APBA1: variants seen among roughly 807,000 people sequenced by gnomAD.
APBA1 encodes the protein amyloid-beta A4 precursor protein-binding family A member 1.
Under a neutral mutation model 86.6 loss-of-function variants are expected in APBA1, and 55 were observed. The observed-to-expected ratio is 0.64, with a 90% CI of 0.51 to 0.80. The LOEUF (loss-of-function observed/expected upper bound fraction) is 0.80. Ranked by LOEUF, APBA1 falls within the 30% of genes least tolerant of loss-of-function variation. The probability of loss-of-function intolerance (pLI) is 0.00; values close to 1 mark genes in which losing one functional copy is unlikely to be tolerated. For synonymous variants in APBA1, 511 were observed against 493.9 expected (o/e 1.03, Z -0.46); for missense variants, 1,090 against 1,183.0 (o/e 0.92, Z 1.15).
intron 1 of APBA1, among the ~76,000 whole-genome samples, chr9:69,606,513 A>G (rs1300773539): frequency 9.8e-6 from 1 of 102,120 alleles, no homozygotes; most frequent in African/African-American, 3.7e-5. Flanking sequence ...TTTTTTTGAA[A>G]TGGAGTCTCG....
At chr9:69,663,979 T>C (rs929416361) in intron 1 of APBA1, among the ~76,000 whole-genome samples, 3 of 152,136 alleles carry the variant, frequency 2.0e-5, no homozygotes, top group African/African-American at 7.2e-5. Flanking sequence ...TAACAGAAAT[T>C]GAAAGCCATG....
chr9:69,556,676 GTTGTT>G (rs1196646966), intron 1 of APBA1, among the ~76,000 whole-genome samples: 3 of 152,178 alleles, frequency 2.0e-5, no homozygotes, highest in South Asian at 4.1e-4. Context: ...ACTGTGACAG[GTTGTT>G]TTATTTCTTT....
At chr9:69,611,420 G>A (rs1018146643) in intron 1 of APBA1, among the ~76,000 whole-genome samples, 3 of 151,856 alleles carry the variant, frequency 2.0e-5, no homozygotes, top group Non-Finnish European at 4.4e-5. Context: ...CCCACTGGGA[G>A]ACTGTTTTTC....
chr9:69,485,985 C>CT (rs977354620), intron 2 of APBA1, among the ~76,000 whole-genome samples: 7 of 151,644 alleles, frequency 4.6e-5, no homozygotes, highest in African/African-American at 1.7e-4. Context: ...GAGTTTCACT[C>CT]TTTTTGCCCA....
At chr9:69,634,778 A>G (rs1235069704) in intron 1 of APBA1, among the ~76,000 whole-genome samples, 1 of 152,218 alleles carries the variant, frequency 6.6e-6, no homozygotes, top group Non-Finnish European at 1.5e-5. Context: ...CTGGCAGCAG[A>G]CTTTTCAGTG....
chr9:69,512,118 A>G (rs1292741975), intron 2 of APBA1, among the ~76,000 whole-genome samples: 1 of 151,992 alleles, frequency 6.6e-6, no homozygotes, highest in Non-Finnish European at 1.5e-5. Context: ...AAAAGAAAAG[A>G]AAAAGGACAG....
At chr9:69,435,175 T>G (rs1196903469) in intron 11 of APBA1, among the ~76,000 whole-genome samples, 1 of 152,132 alleles carries the variant, frequency 6.6e-6, no homozygotes, top group Non-Finnish European at 1.5e-5. Flanking sequence ...GTGCCACATT[T>G]TCTTAATCTA....
chr9:69,548,585 C>T (rs1438818129), intron 1 of APBA1, among the ~76,000 whole-genome samples: 8 of 152,146 alleles, frequency 5.3e-5, no homozygotes, highest in African/African-American at 4.8e-5. Flanking sequence ...GACAAATTAA[C>T]GGACTGGAGG....
intron 7 of APBA1, 123 bp from the exon 8 acceptor site, chr9:69,456,555 A>G (rs545907084): frequency 9.7e-7 from 1 of 1,027,076 alleles, no homozygotes; most frequent in African/African-American, 1.6e-5. Context: ...GGCTCACTGC[A>G]AAGCCCATGC....
intron 10 of APBA1, among the ~76,000 whole-genome samples, chr9:69,443,865 A>G (rs1017848851): frequency 1.3e-5 from 2 of 152,180 alleles, no homozygotes; most frequent in Admixed American, 1.3e-4. Flanking sequence ...CTTGCTCCAC[A>G]AAGACAACAG....
chr9:69,622,422 T>C (rs1822838961), intron 1 of APBA1, among the ~76,000 whole-genome samples: 1 of 152,174 alleles, frequency 6.6e-6, no homozygotes, highest in Non-Finnish European at 1.5e-5. Flanking sequence ...CTAGGTTTCA[T>C]GGGTTCTTCC....
At chr9:69,466,152 G>A (rs1835275876) in intron 5 of APBA1, among the ~76,000 whole-genome samples, 1 of 152,158 alleles carries the variant, frequency 6.6e-6, no homozygotes, top group Admixed American at 6.5e-5. Context: ...TCCAAGTACA[G>A]AGAGGTGGTC....
In APBA1 at chr9:69,516,652, A is replaced by G; in HGVS notation, c.559T>C (p.Tyr187His). 1 of 1,609,272 alleles carries G rather than the reference A, an allele frequency of 6.2e-7. No individual in the cohort carries two copies. Among genetic ancestry groups the G allele is most frequent in the Non-Finnish European group, 8.5e-7 (1 of 1,179,072 alleles). ...RGEDEPYSEP[Y>H]ADYGGLQEHV... ...TCCTGGAGGCCGCCGTAGTCGGCAT[A>G]GGGCTCGGAGTAGGGCTCGTCCTCA... The change falls in exon 2 of 13, where the codon TAT becomes CAT. Residue 187 changes from tyrosine (Y) to histidine (H), a missense_variant. Physicochemically the swap from Tyr to His is moderately conservative, Grantham distance 83 (BLOSUM62 2). Coordinates refer to ENST00000265381, the MANE Select transcript of APBA1 (RefSeq NM_001163.4). This position sits in a 1 kb window ranked among gnomAD's most constrained non-coding sequence, Gnocchi z 7.3.
chr9:69,436,495 A>C (rs1834722588), intron 11 of APBA1, among the ~76,000 whole-genome samples: 1 of 151,706 alleles, frequency 6.6e-6, no homozygotes, highest in African/African-American at 2.4e-5. Context: ...GGTCCTTCAC[A>C]TCCCTTGTAA....
Position 69,467,812 on chromosome 9 carries a change from G to A in APBA1, c.1482+11C>T. 1 of 1,614,142 alleles carries A rather than the reference G, an allele frequency of 6.2e-7. No individual in the cohort carries two copies. The highest frequency in any genetic ancestry group is 1.3e-5 in the African/African-American group (1 of 75,044). The stretch of plus-strand genomic sequence containing the variant: ...CCCCCTGTCCCTGTTGGAGCACCCA[G>A]ATGTCCTCACCTTGATCCTGCTTAC... On this transcript the variant is annotated intron_variant, in intron 5 of 12. Coordinates refer to ENST00000265381, the MANE Select transcript of APBA1 (RefSeq NM_001163.4).
At chr9:69,555,218 C>T (rs1836844383) in intron 1 of APBA1, among the ~76,000 whole-genome samples, 1 of 152,086 alleles carries the variant, frequency 6.6e-6, no homozygotes. Flanking sequence ...AGGAAACAAG[C>T]TATAGCATTG....
At chr9:69,655,509 C>G (rs556129019) in intron 1 of APBA1, among the ~76,000 whole-genome samples, 2 of 151,952 alleles carry the variant, frequency 1.3e-5, no homozygotes, top group South Asian at 4.2e-4. Context: ...AATAAATTAC[C>G]TAGGTCTAAA....
chr9:69,530,207 T>G (rs1655259884), intron 1 of APBA1, among the ~76,000 whole-genome samples: 1 of 151,812 alleles, frequency 6.6e-6, no homozygotes, highest in African/African-American at 2.4e-5. Flanking sequence ...ACACATGCAC[T>G]TATATGTTCA....
intron 1 of APBA1, among the ~76,000 whole-genome samples, chr9:69,648,578 A>G (rs1823434050): frequency 6.6e-6 from 1 of 152,166 alleles, no homozygotes; most frequent in African/African-American, 2.4e-5. Context: ...AAGGTTTCCA[A>G]TTTAAGAGCA....
Sources: gnomAD v4.1 joint callset for allele counts (sites outside exome capture counted in the v4.1 genomes callset) on GRCh38, gnomAD v4.1.1 for gene constraint, Gnocchi (gnomAD v3.1) non-coding constraint, MANE v1.5 for transcripts, NCBI Gene and HGNC (gene_info 2026-07-23, HGNC 2026-07-21) for gene names.